Variants in PRTFDC1 observed in about 807,000 individuals in gnomAD.
PRTFDC1 encodes phosphoribosyl transferase domain containing 1.
A neutral mutation model predicts 34.6 loss-of-function variants in PRTFDC1; 38 were observed. That is an observed-to-expected ratio of 1.10 (90% CI 0.85 to 1.44). PRTFDC1 has a LOEUF of 1.44. Among genes scored for constraint, PRTFDC1 ranks in the 40% most tolerant of loss-of-function variants. PRTFDC1 has a pLI of 0.00. For synonymous variants in PRTFDC1, 93 were observed against 98.1 expected (o/e 0.95, Z 0.31); for missense variants, 270 against 283.0 (o/e 0.95, Z 0.33).
At chr10:24,951,051 G>A (rs1849334353) in intron 1 of PRTFDC1, among the ~76,000 whole-genome samples, 1 of 152,088 alleles carries the variant, frequency 6.6e-6, no homozygotes, top group Non-Finnish European at 1.5e-5. Flanking sequence ...CCTCCTCCTG[G>A]GGCAACTGGA....
intron 3 of PRTFDC1, among the ~76,000 whole-genome samples, chr10:24,874,756 A>T (rs1239093425): frequency 1.3e-5 from 2 of 152,174 alleles, no homozygotes; most frequent in African/African-American, 4.8e-5. Flanking sequence ...ATTGACCAAC[A>T]ATTACTATAT....
chr10:24,948,355 A>C (rs1164264976), intron 1 of PRTFDC1, among the ~76,000 whole-genome samples: 2 of 152,198 alleles, frequency 1.3e-5, no homozygotes, highest in Non-Finnish European at 1.5e-5. Context: ...GAAGATCTTT[A>C]TCTCTCCCTG....
intron 6 of PRTFDC1, 125 bp from the exon 7 acceptor site, chr10:24,855,489 G>T: frequency 9.0e-7 from 1 of 1,113,640 alleles, no homozygotes; most frequent in Non-Finnish European, 1.3e-6. Flanking sequence ...TATATAGATG[G>T]TTCTGGATAA....
At chr10:24,864,858 G>A (rs1273900277) in intron 4 of PRTFDC1, among the ~76,000 whole-genome samples, 2 of 152,100 alleles carry the variant, frequency 1.3e-5, no homozygotes, top group African/African-American at 4.8e-5. Flanking sequence ...GCTCACACCT[G>A]TAATCCCAGC....
intron 3 of PRTFDC1, among the ~76,000 whole-genome samples, chr10:24,881,422 T>G (rs1033307539): frequency 2.0e-5 from 3 of 152,142 alleles, no homozygotes; most frequent in Non-Finnish European, 2.9e-5. Context: ...TTGTACTTAT[T>G]GGCTCTCCCT....
At chr10:24,873,781 GAGTTGGTC>G (rs1411081405) in intron 3 of PRTFDC1, among the ~76,000 whole-genome samples, 1 of 151,546 alleles carries the variant, frequency 6.6e-6, no homozygotes, top group Admixed American at 6.6e-5. Flanking sequence ...CTTTGTTATG[GAGTTGGTC>G]ATCTGGGAAG....
intron 4 of PRTFDC1, among the ~76,000 whole-genome samples, chr10:24,859,426 A>C (rs573810382): frequency 6.6e-6 from 1 of 152,160 alleles, no homozygotes; most frequent in Non-Finnish European, 1.5e-5. Context: ...CGCCTGGCTA[A>C]TTTTTGTATT....
chr10:24,849,685 A>T lies in PRTFDC1; in HGVS notation c.*159T>A. 1.6e-6 allele frequency: 1 copy of T among 636,270 alleles called. No individual in the cohort carries two copies. The highest frequency in any genetic ancestry group is 2.8e-6 in the Non-Finnish European group (1 of 360,442). 39.4% of individuals were successfully genotyped at this position (636,270 alleles called of 1,614,324 possible). On this transcript the variant is annotated 3_prime_UTR_variant, in exon 9 of 9. Coordinates refer to ENST00000320152, the MANE Select transcript of PRTFDC1 (RefSeq NM_020200.7). ...TCCTTAGGAACCTTTGATACTCTTT[A>T]TATTAACCTCAGAAAAGAAAGCTCT...
chr10:24,909,708 A>G (rs1848597698), intron 3 of PRTFDC1, among the ~76,000 whole-genome samples: 1 of 152,208 alleles, frequency 6.6e-6, no homozygotes, highest in African/African-American at 2.4e-5. Flanking sequence ...TACCCTCTAC[A>G]TTGAGAAAGG....
intron 3 of PRTFDC1, among the ~76,000 whole-genome samples, chr10:24,909,166 A>T (rs912366805): frequency 1.2e-4 from 18 of 152,138 alleles, no homozygotes; most frequent in African/African-American, 4.3e-4. Context: ...CTATATTCCC[A>T]GTTACTTGGG....
At chr10:24,933,246 G>C (rs1469645987) in intron 3 of PRTFDC1, among the ~76,000 whole-genome samples, 2 of 151,060 alleles carry the variant, frequency 1.3e-5, no homozygotes, top group Non-Finnish European at 2.9e-5. Flanking sequence ...TCCACAAAAG[G>C]ACACACTAGA....
At position 24,941,241 on chromosome 10, in the gene PRTFDC1, A is replaced by G. The variant is rs937457803; in HGVS notation, c.155+1089T>C. On this transcript the variant is annotated intron_variant, in intron 2 of 8. Coordinates refer to ENST00000320152, the MANE Select transcript of PRTFDC1 (RefSeq NM_020200.7). Reference sequence around the variant, plus strand: ...ACTAATGTTTTTTATTTTTTTGTAGAGACGGGTTCTCACTACATTGCCCAG... The same window carrying G: ...ACTAATGTTTTTTATTTTTTTGTAGGGACGGGTTCTCACTACATTGCCCAG... 1.5e-4 allele frequency among the ~76,000 whole-genome samples: 21 copies of G among 137,240 alleles called. 1 individual carries two copies. Among genetic ancestry groups the G allele is most frequent in the African/African-American group, 5.5e-4 (21 of 38,468 alleles). The allele number at this position is 137,240 out of a possible 152,430, so 90.0% of individuals were successfully genotyped here. A position where few individuals can be genotyped will look rare whatever the true frequency, so the allele number is the denominator to read the frequency against.
chr10:24,934,236 AAGAAGAAGAAGG>A (rs1376721856), intron 3 of PRTFDC1, among the ~76,000 whole-genome samples: 1 of 95,406 alleles, frequency 1.0e-5, no homozygotes. Flanking sequence ...GAAGAAGAAG[AAGAAGAAGAAGG>A]AGAAGAAGAA....
chr10:24,925,092 G>A (rs1359249066), intron 3 of PRTFDC1, among the ~76,000 whole-genome samples: 1 of 152,154 alleles, frequency 6.6e-6, no homozygotes. Flanking sequence ...ATGATAGACT[G>A]GATTAAGAAA....
chr10:24,858,900 A>G (rs1847627980), intron 4 of PRTFDC1, among the ~76,000 whole-genome samples: 1 of 152,182 alleles, frequency 6.6e-6, no homozygotes, highest in Non-Finnish European at 1.5e-5. Context: ...GTCAACCTAG[A>G]TGAAGAGGGT....
intron 1 of PRTFDC1, among the ~76,000 whole-genome samples, chr10:24,945,645 C>T (rs573153187): frequency 3.9e-5 from 6 of 152,210 alleles, no homozygotes; most frequent in East Asian, 3.9e-4. Flanking sequence ...TTTGTAGAGA[C>T]GAGGTCTGGC....
chr10:24,873,724 T>C (rs1232151197), intron 3 of PRTFDC1, among the ~76,000 whole-genome samples: 2 of 152,088 alleles, frequency 1.3e-5, no homozygotes, highest in Non-Finnish European at 2.9e-5. Flanking sequence ...CTGGTTTGAA[T>C]TGGATTCTCT....
chr10:24,867,356 TA>T (rs1385075510), intron 4 of PRTFDC1, among the ~76,000 whole-genome samples: 4 of 152,196 alleles, frequency 2.6e-5, no homozygotes, highest in Non-Finnish European at 4.4e-5. Flanking sequence ...AGGCTCCGCC[TA>T]CCCCGCCTCC....
chr10:24,944,833 G>C (rs1180367958), intron 1 of PRTFDC1, among the ~76,000 whole-genome samples: 1 of 152,112 alleles, frequency 6.6e-6, no homozygotes, highest in African/African-American at 2.4e-5. Flanking sequence ...GCAGCCTTCT[G>C]CTTAGATTTT....
Sources: gnomAD v4.1 joint callset for allele counts (sites outside exome capture counted in the v4.1 genomes callset) on GRCh38, gnomAD v4.1.1 for gene constraint, MANE v1.5 for transcripts, NCBI Gene and HGNC (gene_info 2026-07-23, HGNC 2026-07-21) for gene names.